KRT8: variants seen among roughly 807,000 people sequenced by gnomAD.
KRT8 encodes the protein keratin, type II cytoskeletal 8.
In KRT8, 24 loss-of-function variants were observed where a neutral mutation model predicts 43.0. That is an observed-to-expected ratio of 0.56 (90% CI 0.40 to 0.78). The LOEUF is 0.78. Among genes scored for constraint, KRT8 ranks in the 30% least tolerant of loss-of-function variants. KRT8 has a pLI of 0.00. For missense variants in KRT8, 492 were observed against 638.4 expected, an observed-to-expected ratio of 0.77 and a Z score of 2.47; for synonymous variants, 214 against 261.2, an observed-to-expected ratio of 0.82 and a Z score of 1.74.
intron 2 of KRT8, among the ~76,000 whole-genome samples, chr12:52,931,272 T>C (rs1057310519): frequency 1.3e-5 from 2 of 152,054 alleles, no homozygotes; most frequent in Non-Finnish European, 2.9e-5. Context: ...TTTCACTGTG[T>C]TAGCCAGGAT....
chr12:52,924,134 G>A (rs181056801), intron 2 of KRT8, among the ~76,000 whole-genome samples: 19 of 152,122 alleles, frequency 1.2e-4, no homozygotes, highest in Non-Finnish European at 2.2e-4. Context: ...CACCACACCC[G>A]GCCAAAAGCA....
At chr12:52,947,947 G>A (rs1942375334) in intron 2 of KRT8, 1 of 152,092 alleles carries the variant, frequency 6.6e-6, no homozygotes, top group South Asian at 2.1e-4. Flanking sequence ...CTCACAGTAG[G>A]TGCTGAATGC....
At chr12:52,905,157 T>C (rs1592166842), upstream of KRT8, 1 of 1,276,342 alleles carries the variant, frequency 7.8e-7, no homozygotes, top group African/African-American at 1.5e-5. Flanking sequence ...CAGAGGGGGC[T>C]GGGCCTAACC....
At chr12:52,949,674 A>AC (rs777606363) in intron 1 of KRT8, 1 of 1,220,940 alleles carries the variant, frequency 8.2e-7, no homozygotes, top group Admixed American at 2.0e-5. Flanking sequence ...TCATTCCATA[A>AC]CCACCCAACC....
At chr12:52,904,808 G>T (rs758320532) in exon 1 of KRT8, 3 of 1,612,184 alleles carry the variant, frequency 1.9e-6, no homozygotes, top group Non-Finnish European at 1.7e-6. Context: ...CTCCCATGCC[G>T]CTGGCCCCAC....
At chr12:52,909,955 T>TTA (rs1941600226), upstream of KRT8, among the ~76,000 whole-genome samples, 5 of 152,088 alleles carry the variant, frequency 3.3e-5, no homozygotes, top group Admixed American at 3.3e-4. Context: ...TTCTTTTTTT[T>TTA]AGAGACAGGA....
rs1468709448 is a variant in KRT8, at chr12:52,941,262, C to T, written c.-47+8194G>A. 3.3e-5 allele frequency among the ~76,000 whole-genome samples: 5 copies of T among 151,158 alleles called. No individual in the cohort carries two copies. The Admixed American group carries it at 3.3e-4, about 10-fold the overall frequency. Reference sequence around the variant, plus strand: ...TCTAAATGTTTTAAAACAAGAAAACCCACAGATGCAGGAAGATCATAGGCT... The same window carrying T: ...TCTAAATGTTTTAAAACAAGAAAACTCACAGATGCAGGAAGATCATAGGCT... On this transcript the variant is annotated intron_variant, in intron 2 of 6. Transcript: ENST00000546826.
chr12:52,905,215 C>T (rs938833238), upstream of KRT8: 15 of 660,444 alleles, frequency 2.3e-5, no homozygotes, highest in East Asian at 4.2e-4. Flanking sequence ...CAGCAGAGAG[C>T]TGCCGCCACC....
At position 52,949,704 on chromosome 12, in the gene KRT8, G is replaced by T. The variant is rs761375972; in HGVS notation, c.-177+11C>A. On this transcript the variant is annotated intron_variant, in intron 1 of 6. Transcript: ENST00000546826. ...CCAACCCCTACTCCACCGGGAGGGG[G>T]TTGGGCATACCTGGATTTCCATCCG... The T allele has an allele frequency of 1.3e-5, 13 of 987,558 alleles. No homozygotes were observed. In the African/African-American group the frequency reaches 1.8e-4, roughly 13 times the overall value. The allele number at this position is 987,558 out of a possible 1,614,324, so 61.2% of individuals were successfully genotyped here. A position where few individuals can be genotyped will look rare whatever the true frequency, so the allele number is the denominator to read the frequency against.
chr12:52,902,422 G>GGCTGGAGT (rs879875443), intron 1 of KRT8, among the ~76,000 whole-genome samples: 1 of 152,084 alleles, frequency 6.6e-6, no homozygotes, highest in Non-Finnish European at 1.5e-5. Context: ...CCGGCGCCCA[G>GGCTGGAGT]GCTGGAGTGC....
chr12:52,928,562 T>C (rs1942032621), intron 2 of KRT8, among the ~76,000 whole-genome samples: 1 of 152,096 alleles, frequency 6.6e-6, no homozygotes, highest in African/African-American at 2.4e-5. Flanking sequence ...GGCTGAATTT[T>C]ATTCCCCTCT....
chr12:52,933,876 C>T (rs936726929), intron 2 of KRT8, among the ~76,000 whole-genome samples: 18 of 151,178 alleles, frequency 1.2e-4, no homozygotes, highest in African/African-American at 4.4e-4. Flanking sequence ...CTACCCATCT[C>T]AGCCTCCCAA....
chr12:52,905,012 G>C (rs773143067), exon 1 of KRT8: 20 of 1,587,926 alleles, frequency 1.3e-5, no homozygotes, highest in African/African-American at 1.1e-4. Context: ...CAGGCGGGCC[G>C]AACCAGGCGG....
At chr12:52,903,184 G>T (rs1941418016) in intron 1 of KRT8, among the ~76,000 whole-genome samples, 1 of 152,210 alleles carries the variant, frequency 6.6e-6, no homozygotes, top group South Asian at 2.1e-4. Flanking sequence ...CTAATGGAAT[G>T]TGGGCCAAGC....
At chr12:52,907,399 C>T (rs891399245), upstream of KRT8, among the ~76,000 whole-genome samples, 1 of 152,164 alleles carries the variant, frequency 6.6e-6, no homozygotes, top group Non-Finnish European at 1.5e-5. Context: ...AGGCGCTCTC[C>T]CTATCTTCCC....
intron 5 of KRT8, 145 bp from the exon 6 acceptor site, chr12:52,899,044 G>A: frequency 2.7e-6 from 2 of 742,782 alleles, no homozygotes; most frequent in Non-Finnish European, 4.6e-6. Flanking sequence ...GCCGGGCACA[G>A]TGGCTCATGC....
chr12:52,905,065 G>T, exon 1 of KRT8: 1 of 1,519,846 alleles, frequency 6.6e-7, no homozygotes, highest in Non-Finnish European at 8.8e-7. Context: ...GGTGAGGAGA[G>T]CTCTCAGGAA....
At chr12:52,927,785 C>T (rs1266916112) in intron 2 of KRT8, among the ~76,000 whole-genome samples, 13 of 152,190 alleles carry the variant, frequency 8.5e-5, no homozygotes, top group Non-Finnish European at 1.5e-5. Flanking sequence ...GCCTCTAGAA[C>T]AGGGAGTGCT....
chr12:52,904,719 C>A, exon 1 of KRT8: 1 of 1,612,846 alleles, frequency 6.2e-7, no homozygotes, highest in Non-Finnish European at 8.5e-7. Flanking sequence ...CTCCTGGGTG[C>A]GCACGGCCTG....
Sources: gnomAD v4.1 joint callset for allele counts (sites outside exome capture counted in the v4.1 genomes callset) on GRCh38, gnomAD v4.1.1 for gene constraint, MANE v1.5 for transcripts, NCBI Gene and HGNC (gene_info 2026-07-23, HGNC 2026-07-21) for gene names.